GRIP1: variants seen among roughly 807,000 people sequenced by gnomAD.
GRIP1 encodes the protein glutamate receptor interacting protein 1.
Under a neutral mutation model 129.9 loss-of-function variants are expected in GRIP1, and 45 were observed. That is an observed-to-expected ratio of 0.35 (90% CI 0.27 to 0.44). The LOEUF is 0.44. Ranked by LOEUF, GRIP1 falls within the 20% of genes least tolerant of loss-of-function variation. GRIP1 has a pLI of 1.00. For missense variants in GRIP1, 1,196 were observed against 1,396.8 expected, an observed-to-expected ratio of 0.86 and a Z score of 2.29; for synonymous variants, 530 against 520.8, an observed-to-expected ratio of 1.02 and a Z score of -0.24.
intron 1 of GRIP1, among the ~76,000 whole-genome samples, chr12:66,791,364 G>A (rs2038528752): frequency 6.6e-6 from 1 of 152,194 alleles, no homozygotes; most frequent in Non-Finnish European, 1.5e-5. Context: ...ATTGCTTAGG[G>A]AAAGGGAAAG....
chr12:66,554,268 T>C (rs1292463917), intron 2 of GRIP1, among the ~76,000 whole-genome samples: 2 of 152,184 alleles, frequency 1.3e-5, no homozygotes, highest in South Asian at 2.1e-4. Flanking sequence ...GTGTAGCTTC[T>C]GAACAAGATT....
intron 1 of GRIP1, among the ~76,000 whole-genome samples, chr12:66,602,848 CT>C (rs71436016): frequency 1.9e-3 from 134 of 71,656 alleles, no homozygotes; most frequent in Non-Finnish European, 2.8e-3. Context: ...AGATCTTTTG[CT>C]TTTTTTTTTT....
At chr12:67,011,150 A>G (rs1319412897) in intron 1 of GRIP1, among the ~76,000 whole-genome samples, 1 of 152,090 alleles carries the variant, frequency 6.6e-6, no homozygotes, top group Non-Finnish European at 1.5e-5. Context: ...AACATCTCCA[A>G]AACTGAAATC....
chr12:66,418,251 A>T (rs1360866538), intron 15 of GRIP1, among the ~76,000 whole-genome samples: 1 of 152,224 alleles, frequency 6.6e-6, no homozygotes, highest in African/African-American at 2.4e-5. Flanking sequence ...GAAGAAAAAA[A>T]CTAGACAGCT....
rs202223568 is a variant in GRIP1, at chr12:66,477,291, G to C, written c.725-11869C>G. On this transcript the variant is annotated intron_variant, in intron 7 of 24. Coordinates refer to ENST00000359742, the MANE Select transcript of GRIP1 (RefSeq NM_001366722.1). Reference sequence around the variant, plus strand: ...CTCCCATTCACAATTGCTTCAAAGAGAATAAAATACCTAGGAATCCAACTT... The same window carrying C: ...CTCCCATTCACAATTGCTTCAAAGACAATAAAATACCTAGGAATCCAACTT... Among the ~76,000 whole-genome samples the C allele has an allele frequency of 3.2e-4, 49 of 151,990 alleles. No individual in the cohort carries two copies. In the East Asian group the frequency reaches 7.7e-3, roughly 24 times the overall value.
chr12:66,500,765 C>T (rs2060370660), intron 7 of GRIP1, among the ~76,000 whole-genome samples: 2 of 152,172 alleles, frequency 1.3e-5, no homozygotes, highest in African/African-American at 4.8e-5. Flanking sequence ...CCATAGAGAT[C>T]AGGTGAAAGC....
chr12:66,989,785 T>A (rs554084809), intron 1 of GRIP1, among the ~76,000 whole-genome samples: 1 of 152,202 alleles, frequency 6.6e-6, no homozygotes, highest in Non-Finnish European at 1.5e-5. Context: ...GGCTCCAACA[T>A]GATCTGGCTG....
chr12:66,516,717 C>T (rs149522346), intron 6 of GRIP1, among the ~76,000 whole-genome samples: 112 of 152,242 alleles, frequency 7.4e-4, no homozygotes, highest in African/African-American at 2.6e-3. Flanking sequence ...TCACTAGACA[C>T]ATGAGAAGGG....
At chr12:66,973,095 C>A (rs943952569) in intron 1 of GRIP1, among the ~76,000 whole-genome samples, 1 of 152,172 alleles carries the variant, frequency 6.6e-6, no homozygotes, top group Non-Finnish European at 1.5e-5. Flanking sequence ...TGTATTTTCA[C>A]ACAAGAGTTG....
At chr12:66,815,856 C>CTTTCTTTCTTTCTTTCTTTCTTTCTT (rs11458006) in intron 1 of GRIP1, among the ~76,000 whole-genome samples, 6 of 134,198 alleles carry the variant, frequency 4.5e-5, no homozygotes, top group African/African-American at 1.5e-4. Flanking sequence ...TTCTTTCTTT[C>CTTTCTTTCTTTCTTTCTTTCTTTCTT]TCTCTCTCTC....
chr12:66,413,439 T>C (rs2057472462), intron 15 of GRIP1, among the ~76,000 whole-genome samples: 3 of 152,066 alleles, frequency 2.0e-5, no homozygotes, highest in Admixed American at 2.0e-4. Context: ...AGTTCTGAAA[T>C]TGAGACAGTA....
At chr12:66,746,963 T>G (rs2036967392) in intron 1 of GRIP1, among the ~76,000 whole-genome samples, 1 of 152,188 alleles carries the variant, frequency 6.6e-6, no homozygotes, top group South Asian at 2.1e-4. Flanking sequence ...AAAATAGCAT[T>G]ATAATAAATT....
intron 2 of GRIP1, among the ~76,000 whole-genome samples, chr12:66,584,470 G>A (rs71452320): frequency 0.23 from 34,464 of 151,912 alleles, 4,131 homozygotes; most frequent in Admixed American, 0.27. Context: ...CTACTCGGGA[G>A]GCTGAGGCAG....
intron 1 of GRIP1, among the ~76,000 whole-genome samples, chr12:66,954,200 T>C (rs1453119854): frequency 6.6e-6 from 1 of 152,206 alleles, no homozygotes; most frequent in Non-Finnish European, 1.5e-5. Context: ...TTCTGCTAAT[T>C]CTTTTCCTCA....
At chr12:66,867,231 C>T (rs978958343) in intron 1 of GRIP1, among the ~76,000 whole-genome samples, 6 of 151,982 alleles carry the variant, frequency 3.9e-5, no homozygotes, top group Non-Finnish European at 5.9e-5. Context: ...TCAGGTGATC[C>T]GCCCGCCTCA....
intron 1 of GRIP1, among the ~76,000 whole-genome samples, chr12:66,949,887 C>G (rs1012756771): frequency 6.6e-6 from 1 of 151,072 alleles, no homozygotes; most frequent in Non-Finnish European, 1.5e-5. Flanking sequence ...CCTGCCTCAG[C>G]CCCCCCGAGT....
intron 1 of GRIP1, among the ~76,000 whole-genome samples, chr12:67,044,097 A>G (rs1260873687): frequency 6.6e-6 from 1 of 152,168 alleles, no homozygotes; most frequent in Non-Finnish European, 1.5e-5. Context: ...GTTTTAAAAG[A>G]ACTAGAAAAC....
rs529308491 is a variant in GRIP1, at chr12:66,782,161, T to TTGTA, written c.-420+21888_-420+21891dup. Among the ~76,000 whole-genome samples the TTGTA allele has an allele frequency of 1.1e-3, 169 of 152,296 alleles. 1 individual carries two copies. The highest frequency in any genetic ancestry group is 1.8e-3 in the Non-Finnish European group (122 of 68,006). ...GTTCACTTCTTAAAAATTCATTAAGTTGTACACTTAGAATCTGTGCACTTT... is the reference window on the plus strand; with the variant it reads ...GTTCACTTCTTAAAAATTCATTAAGTTGTATGTACACTTAGAATCTGTGCACTTT... On this transcript the variant is annotated intron_variant, in intron 1 of 4. Coordinates refer to the GRIP1 transcript ENST00000538373.
At chr12:66,876,563 A>G (rs1325833798) in intron 1 of GRIP1, among the ~76,000 whole-genome samples, 1 of 152,084 alleles carries the variant, frequency 6.6e-6, no homozygotes, top group Non-Finnish European at 1.5e-5. Flanking sequence ...TAGCAGCTAC[A>G]GACATAGCAA....
Sources: allele counts gnomAD v4.1 joint callset (sites outside exome capture counted in the v4.1 genomes callset), GRCh38; gene constraint gnomAD v4.1.1; transcripts MANE v1.5; gene names NCBI Gene and HGNC (gene_info 2026-07-23, HGNC 2026-07-21).